The following CADM2 variants were observed in gnomAD, a reference collection of about 807,000 sequenced individuals.
CADM2 encodes immunoglobulin superfamily member 4D.
In CADM2, 12 loss-of-function variants were observed where a neutral mutation model predicts 49.8. The observed-to-expected ratio is 0.24, with a 90% CI of 0.15 to 0.39. The LOEUF (loss-of-function observed/expected upper bound fraction) is 0.39, where lower values mean the gene tolerates loss of function less well. Ranked by LOEUF, CADM2 falls within the 10% of genes least tolerant of loss-of-function variation. CADM2 has a pLI of 1.00. For missense variants in CADM2, 378 were observed against 492.3 expected (o/e 0.77, Z 2.20); for synonymous variants, 214 against 175.4 (o/e 1.22, Z -1.74).
At chr3:85,669,391 C>A (rs2065670058) in intron 1 of CADM2, among the ~76,000 whole-genome samples, 1 of 152,064 alleles carries the variant, frequency 6.6e-6, no homozygotes, top group South Asian at 2.1e-4. Context: ...GGTTAAAGGT[C>A]ATTTTGTAAG....
chr3:86,021,815 C>G (rs775470456), intron 8 of CADM2, among the ~76,000 whole-genome samples: 10 of 152,056 alleles, frequency 6.6e-5, no homozygotes, highest in Non-Finnish European at 1.2e-4. Context: ...CAGCAGTTAT[C>G]AGTGGCAGGG....
intron 1 of CADM2, among the ~76,000 whole-genome samples, chr3:85,093,099 A>T (rs1232309413): frequency 3.9e-5 from 6 of 152,284 alleles, no homozygotes; most frequent in African/African-American, 1.4e-4. Context: ...CTCGGACAAA[A>T]TTCATAGGTC....
intron 1 of CADM2, among the ~76,000 whole-genome samples, chr3:85,552,132 G>T (rs575141920): frequency 6.6e-6 from 1 of 152,142 alleles, no homozygotes; most frequent in South Asian, 2.1e-4. Context: ...AAACTTTAGA[G>T]ATACAAAAGA....
chr3:85,771,948 G>A (rs531382520), intron 2 of CADM2, among the ~76,000 whole-genome samples: 1 of 151,400 alleles, frequency 6.6e-6, no homozygotes, highest in African/African-American at 2.4e-5. Context: ...TTCAGCAAAA[G>A]GGATAGTAAA....
intron 5 of CADM2, among the ~76,000 whole-genome samples, chr3:85,890,766 G>A (rs1339795586): frequency 6.6e-6 from 1 of 151,782 alleles, no homozygotes; most frequent in Non-Finnish European, 1.5e-5. Context: ...TTGGGATCCT[G>A]AGATTCCTAT....
At chr3:85,307,132 C>A (rs1252532696) in intron 1 of CADM2, among the ~76,000 whole-genome samples, 3 of 151,422 alleles carry the variant, frequency 2.0e-5, no homozygotes, top group Non-Finnish European at 4.4e-5. Context: ...AAAAATACTT[C>A]AAATGTATAT....
intron 1 of CADM2, among the ~76,000 whole-genome samples, chr3:85,487,090 C>G (rs1168564743): frequency 6.6e-6 from 1 of 152,126 alleles, no homozygotes; most frequent in African/African-American, 2.4e-5. Context: ...TTTCCATTTC[C>G]CCCAATACTT....
At chr3:85,440,756 G>A (rs9874740) in intron 1 of CADM2, among the ~76,000 whole-genome samples, 37,953 of 151,920 alleles carry the variant, frequency 0.25, 4,902 homozygotes, top group South Asian at 0.34. Flanking sequence ...GCTGAGGCAG[G>A]CGGATCACTT....
intron 2 of CADM2, among the ~76,000 whole-genome samples, chr3:85,761,578 T>C (rs2069383593): frequency 6.6e-6 from 1 of 151,818 alleles, no homozygotes; most frequent in East Asian, 1.9e-4. Context: ...GGTTTCACCA[T>C]GTTGGCCAGG....
intron 1 of CADM2, among the ~76,000 whole-genome samples, chr3:85,188,616 T>G (rs1320128603): frequency 1.3e-5 from 2 of 152,122 alleles, no homozygotes; most frequent in African/African-American, 4.8e-5. Flanking sequence ...AAATATCCTG[T>G]GGGTGTCAAT....
chr3:85,537,494 T>TTG (rs60728026), intron 1 of CADM2, among the ~76,000 whole-genome samples: 540 of 85,576 alleles, frequency 6.3e-3, no homozygotes, highest in African/African-American at 8.5e-3. Flanking sequence ...GCATGGTTGT[T>TTG]TGTGTGTGTG....
chr3:85,014,473 G>A (rs995874026), intron 1 of CADM2, among the ~76,000 whole-genome samples: 14 of 151,608 alleles, frequency 9.2e-5, no homozygotes, highest in Admixed American at 8.5e-4. Context: ...AGTGTGCATA[G>A]GAAAATACAT....
At chr3:85,270,405 G>A (rs1429312599) in intron 1 of CADM2, among the ~76,000 whole-genome samples, 2 of 151,266 alleles carry the variant, frequency 1.3e-5, no homozygotes, top group Non-Finnish European at 3.0e-5. Context: ...GCATAGTCTA[G>A]ACATTTTGTG....
Position 85,428,673 on chromosome 3 carries a change from A to C in CADM2, c.62-297849A>C, listed in dbSNP as rs529468254. ...ATAAAATATATAATATATCATATAT[A>C]ATATATCATATATATATATATCAGC... On this transcript the variant is annotated intron_variant, in intron 1 of 9. Transcript: ENST00000383699. 7.0e-4 allele frequency among the ~76,000 whole-genome samples: 101 copies of C among 144,436 alleles called. 1 individual carries two copies. The highest frequency in any genetic ancestry group is 2.5e-3 in the African/African-American group (96 of 38,762). The allele number at this position is 144,436 out of a possible 152,430, so 94.8% of individuals were successfully genotyped here.
At chr3:85,940,791 A>T (rs1247117015) in intron 7 of CADM2, among the ~76,000 whole-genome samples, 1 of 152,068 alleles carries the variant, frequency 6.6e-6, no homozygotes, top group African/African-American at 2.4e-5. Context: ...TAGTGGCCTG[A>T]GTAATCCTGA....
intron 1 of CADM2, among the ~76,000 whole-genome samples, chr3:85,670,546 C>G (rs931559471): frequency 1.3e-5 from 2 of 152,118 alleles, no homozygotes; most frequent in Non-Finnish European, 2.9e-5. Context: ...ATCCTTCCTT[C>G]ATAACTCAGC....
chr3:85,552,614 T>C (rs2061840326), intron 1 of CADM2, among the ~76,000 whole-genome samples: 1 of 151,904 alleles, frequency 6.6e-6, no homozygotes, highest in African/African-American at 2.4e-5. Context: ...TCTCCTGACC[T>C]TGTGATCCGC....
intron 3 of CADM2, among the ~76,000 whole-genome samples, chr3:85,843,630 A>G (rs888139234): frequency 6.6e-6 from 1 of 152,034 alleles, no homozygotes; most frequent in African/African-American, 2.4e-5. Flanking sequence ...TTCTCTCATC[A>G]CTTTAATTAA....
At chr3:85,155,202 G>C (rs371323459) in intron 1 of CADM2, among the ~76,000 whole-genome samples, 1 of 149,690 alleles carries the variant, frequency 6.7e-6, no homozygotes, top group Non-Finnish European at 1.5e-5. Flanking sequence ...CCCATCTCAC[G>C]TGCAGAGACA....
Sources: allele counts gnomAD v4.1 joint callset (sites outside exome capture counted in the v4.1 genomes callset), GRCh38; gene constraint gnomAD v4.1.1; transcripts MANE v1.5; gene names NCBI Gene and HGNC (gene_info 2026-07-23, HGNC 2026-07-21).